MCTP2: variants seen among roughly 807,000 people sequenced by gnomAD.
The protein encoded by MCTP2 is multiple C2 and transmembrane domain containing 2, also known as multiple C2 and transmembrane domain-containing protein 2.
A neutral mutation model predicts 111.6 loss-of-function variants in MCTP2; 132 were observed. The observed-to-expected ratio is 1.18, with a 90% CI of 1.03 to 1.37. The LOEUF (loss-of-function observed/expected upper bound fraction) is 1.37. MCTP2 is among the 40% of genes most tolerant of loss of function. The probability of loss-of-function intolerance (pLI) is 0.00; values close to 1 mark genes in which losing one functional copy is unlikely to be tolerated. For missense variants in MCTP2, 1,183 were observed against 1,067.9 expected, an observed-to-expected ratio of 1.11 and a Z score of -1.50; for synonymous variants, 395 against 387.7, an observed-to-expected ratio of 1.02 and a Z score of -0.22.
At chr15:94,260,615 A>G (rs2073126152) in intron 1 of MCTP2, among the ~76,000 whole-genome samples, 1 of 152,206 alleles carries the variant, frequency 6.6e-6, no homozygotes, top group Non-Finnish European at 1.5e-5. Flanking sequence ...CTGGTGGTGT[A>G]AATGAGAGAT....
intron 21 of MCTP2, chr15:94,476,351 T>C (rs1025559968): frequency 3.5e-5 from 6 of 172,128 alleles, no homozygotes; most frequent in African/African-American, 1.4e-4. Context: ...AGTTTGAGCG[T>C]GTGTTTCTGT....
At chr15:94,400,622 G>A (rs75738952) in intron 16 of MCTP2, among the ~76,000 whole-genome samples, 2 of 128,004 alleles carry the variant, frequency 1.6e-5, no homozygotes, top group Non-Finnish European at 3.2e-5. Context: ...TTTTTTTTCC[G>A]TGACCTTTAC....
chr15:94,272,356 A>G (rs1029511557), intron 1 of MCTP2, among the ~76,000 whole-genome samples: 3 of 152,112 alleles, frequency 2.0e-5, no homozygotes, highest in African/African-American at 7.2e-5. Context: ...TCAATGAGTA[A>G]TTACTGATTG....
chr15:94,427,780 G>C (rs1004298399), intron 17 of MCTP2, among the ~76,000 whole-genome samples: 2 of 152,110 alleles, frequency 1.3e-5, no homozygotes, highest in African/African-American at 4.8e-5. Context: ...TGTCTCCTCA[G>C]GTCCTAGAGG....
At chr15:94,403,418 T>A (rs978660721) in intron 17 of MCTP2, among the ~76,000 whole-genome samples, 2 of 152,170 alleles carry the variant, frequency 1.3e-5, no homozygotes, top group Non-Finnish European at 2.9e-5. Flanking sequence ...TCTATGCAAT[T>A]CTGGGCAAAA....
chr15:94,425,811 A>G (rs1166701103), intron 17 of MCTP2, among the ~76,000 whole-genome samples: 1 of 152,146 alleles, frequency 6.6e-6, no homozygotes, highest in Non-Finnish European at 1.5e-5. Context: ...ACAACTTATC[A>G]AAGTTGCAAA....
At chr15:94,470,901 C>T (rs2073872053) in intron 21 of MCTP2, among the ~76,000 whole-genome samples, 1 of 152,108 alleles carries the variant, frequency 6.6e-6, no homozygotes, top group South Asian at 2.1e-4. Context: ...TTCTTAAATC[C>T]AGAAGCAGGG....
chr15:94,426,117 T>G (rs1404391168), intron 17 of MCTP2, among the ~76,000 whole-genome samples: 2 of 145,184 alleles, frequency 1.4e-5, no homozygotes, highest in African/African-American at 5.2e-5. Flanking sequence ...TACTCTGAGA[T>G]GCCAGAGAGA....
chr15:94,302,225 A>G (rs1013718590), intron 2 of MCTP2, among the ~76,000 whole-genome samples: 3 of 152,210 alleles, frequency 2.0e-5, no homozygotes, highest in African/African-American at 7.2e-5. Flanking sequence ...CAGGGTGGTC[A>G]GGAAAGGCTT....
At chr15:94,451,150 T>C (rs1310601954) in intron 19 of MCTP2, among the ~76,000 whole-genome samples, 1 of 152,206 alleles carries the variant, frequency 6.6e-6, no homozygotes, top group Admixed American at 6.5e-5. Flanking sequence ...TTAGCAAAAA[T>C]ACTCAATCCT....
intron 4 of MCTP2, among the ~76,000 whole-genome samples, chr15:94,333,747 G>A (rs143796409): frequency 6.6e-6 from 1 of 152,256 alleles, no homozygotes; most frequent in Non-Finnish European, 1.5e-5. Flanking sequence ...TTTATTAATT[G>A]TATCTCCAAA....
At chr15:94,281,177 C>T (rs1406731373) in intron 1 of MCTP2, among the ~76,000 whole-genome samples, 4 of 152,150 alleles carry the variant, frequency 2.6e-5, no homozygotes, top group South Asian at 2.1e-4. Context: ...TTTGAAGTCT[C>T]CCCCTAGTAT....
intron 1 of MCTP2, among the ~76,000 whole-genome samples, chr15:94,248,760 C>A (rs979822464): frequency 3.9e-5 from 6 of 152,172 alleles, no homozygotes; most frequent in Admixed American, 3.9e-4. Flanking sequence ...CCAAAACAGA[C>A]AGTGAGGCTT....
At chr15:94,327,083 G>A (rs8037248) in intron 4 of MCTP2, among the ~76,000 whole-genome samples, 38,092 of 151,878 alleles carry the variant, frequency 0.25, 5,107 homozygotes, top group Middle Eastern at 0.36. Context: ...TTTAGATTGT[G>A]TTTATAAAGT....
intron 17 of MCTP2, among the ~76,000 whole-genome samples, chr15:94,434,513 A>G (rs555136117): frequency 6.6e-6 from 1 of 152,032 alleles, no homozygotes; most frequent in African/African-American, 2.4e-5. Context: ...TTACATTCAG[A>G]TGTATAATCC....
At chr15:94,259,785 T>C (rs2073071845) in intron 1 of MCTP2, among the ~76,000 whole-genome samples, 1 of 152,236 alleles carries the variant, frequency 6.6e-6, no homozygotes, top group Non-Finnish European at 1.5e-5. Flanking sequence ...ATACTGCTTT[T>C]TGATGGACAT....
intron 4 of MCTP2, among the ~76,000 whole-genome samples, chr15:94,331,891 CAG>C (rs1485975853): frequency 1.3e-5 from 2 of 152,068 alleles, no homozygotes; most frequent in Non-Finnish European, 2.9e-5. Context: ...ACAGGAAGGC[CAG>C]TAGAAGACTG....
In MCTP2 at chr15:94,417,561, G is replaced by A. The variant is rs56274614; in HGVS notation, c.2085+15542G>A. Among the ~76,000 whole-genome samples the A allele has an allele frequency of 7.9e-3, 1,207 of 152,222 alleles. 16 individuals are homozygous for A. Among genetic ancestry groups the A allele is most frequent in the African/African-American group, 0.027 (1,134 of 41,536 alleles). ...GACCATATTTTGGATTTATTCCTGA[G>A]CGCTGGTGATGTTTCAGCATTGTAA... On this transcript the variant is annotated intron_variant, in intron 17 of 22. Transcript: ENST00000357742.
intron 9 of MCTP2, among the ~76,000 whole-genome samples, chr15:94,358,207 GTA>G (rs2078734138): frequency 6.6e-6 from 1 of 152,168 alleles, no homozygotes; most frequent in South Asian, 2.1e-4. Context: ...GTATGTGTGT[GTA>G]TATATAATTT....
Sources: gnomAD v4.1 joint callset for allele counts (sites outside exome capture counted in the v4.1 genomes callset) on GRCh38, gnomAD v4.1.1 for gene constraint, MANE v1.5 for transcripts, NCBI Gene and HGNC (gene_info 2026-07-23, HGNC 2026-07-21) for gene names.